DOCK3: variants seen among roughly 807,000 people sequenced by gnomAD.
DOCK3 encodes the protein dedicator of cytokinesis 3.
DOCK3 carries 60 observed loss-of-function variants against 265.6 expected under a neutral mutation model. The observed-to-expected ratio is 0.23, with a 90% CI of 0.18 to 0.28. DOCK3 has a LOEUF of 0.28. DOCK3 is among the 10% of genes least tolerant of loss of function. DOCK3 has a pLI of 1.00. For synonymous variants in DOCK3, 881 were observed against 938.0 expected, an observed-to-expected ratio of 0.94 and a Z score of 1.11; for missense variants, 1,981 against 2,594.3, an observed-to-expected ratio of 0.76 and a Z score of 5.14.
At chr3:50,867,497 G>T (rs2047200487) in intron 3 of DOCK3, among the ~76,000 whole-genome samples, 1 of 152,144 alleles carries the variant, frequency 6.6e-6, no homozygotes, top group East Asian at 1.9e-4. Flanking sequence ...TAGTGTTTCA[G>T]ATCTTAGAGG....
At chr3:50,746,651 C>T (rs6784055) in intron 1 of DOCK3, among the ~76,000 whole-genome samples, 1,646 of 152,218 alleles carry the variant, frequency 0.011, 20 homozygotes, top group Non-Finnish European at 0.017. Context: ...GCTGTACACA[C>T]GGCATAGTGC....
At position 51,173,038 on chromosome 3, in the gene DOCK3, A is replaced by G. The variant is rs191617565; in HGVS notation, c.1037+12336A>G. 7.3e-3 allele frequency among the ~76,000 whole-genome samples: 1,107 copies of G among 152,322 alleles called. 16 individuals carry two copies. Among genetic ancestry groups the G allele is most frequent in the African/African-American group, 0.025 (1,042 of 41,572 alleles). ...TCTTAATATTTTTGTCTCTTAAACT[A>G]TATATTAGTGATATAAGTGATTTAT... On this transcript the variant is annotated intron_variant, in intron 12 of 52. Coordinates refer to ENST00000266037, the MANE Select transcript of DOCK3 (RefSeq NM_004947.5).
At chr3:51,345,072 A>G (rs567036916) in intron 38 of DOCK3, among the ~76,000 whole-genome samples, 2 of 152,326 alleles carry the variant, frequency 1.3e-5, no homozygotes, top group Non-Finnish European at 1.5e-5. Flanking sequence ...GCAGTCTCCC[A>G]TGGATTGGCT....
At chr3:51,216,359 A>T (rs1369701466) in intron 14 of DOCK3, among the ~76,000 whole-genome samples, 1 of 152,204 alleles carries the variant, frequency 6.6e-6, no homozygotes, top group African/African-American at 2.4e-5. Context: ...GGAAATATGT[A>T]ATTTCAAGCA....
chr3:50,843,524 A>G (rs1305777742), intron 3 of DOCK3, among the ~76,000 whole-genome samples: 1 of 152,170 alleles, frequency 6.6e-6, no homozygotes, highest in Non-Finnish European at 1.5e-5. Context: ...TCTCTTTCCT[A>G]CAAAAAACAG....
intron 21 of DOCK3, among the ~76,000 whole-genome samples, chr3:51,242,536 C>G (rs1190101915): frequency 6.6e-6 from 1 of 152,122 alleles, no homozygotes; most frequent in Non-Finnish European, 1.5e-5. Flanking sequence ...CTGGGCAGAG[C>G]TGGGGCCCCT....
intron 3 of DOCK3, among the ~76,000 whole-genome samples, chr3:50,883,167 A>G (rs2048141131): frequency 6.6e-6 from 1 of 152,074 alleles, no homozygotes; most frequent in Non-Finnish European, 1.5e-5. Context: ...ACCTAATACA[A>G]ATGATGAGTT....
At chr3:51,328,135 A>G (rs947157749) in intron 32 of DOCK3, among the ~76,000 whole-genome samples, 3 of 152,196 alleles carry the variant, frequency 2.0e-5, no homozygotes, top group Non-Finnish European at 1.5e-5. Context: ...AATTTCTAAC[A>G]AGATCTCTGG....
chr3:50,831,173 T>C (rs996677431), intron 2 of DOCK3, among the ~76,000 whole-genome samples: 8 of 151,886 alleles, frequency 5.3e-5, no homozygotes, highest in African/African-American at 1.9e-4. Context: ...CTGGCTTCTT[T>C]ACTGCAACCT....
intron 40 of DOCK3, among the ~76,000 whole-genome samples, chr3:51,354,365 C>G (rs931483523): frequency 2.0e-5 from 3 of 152,158 alleles, no homozygotes; most frequent in Non-Finnish European, 2.9e-5. Flanking sequence ...ATGCCTCTCT[C>G]TTTCTTCCTT....
intron 42 of DOCK3, 24 bp from the exon 43 acceptor site, chr3:51,356,383 T>C (rs201122099): frequency 1.2e-6 from 2 of 1,613,402 alleles, no homozygotes; most frequent in Non-Finnish European, 1.7e-6. Flanking sequence ...TAACTGCCCA[T>C]ACCTGCCTGT....
intron 1 of DOCK3, among the ~76,000 whole-genome samples, chr3:50,693,854 C>T (rs1346069082): frequency 6.6e-6 from 1 of 151,832 alleles, no homozygotes; most frequent in Non-Finnish European, 1.5e-5. Context: ...TCATATCATT[C>T]TCATGTTGTT....
At chr3:50,761,670 C>T (rs1181018248) in intron 1 of DOCK3, among the ~76,000 whole-genome samples, 1 of 152,166 alleles carries the variant, frequency 6.6e-6, no homozygotes, top group Non-Finnish European at 1.5e-5. Flanking sequence ...TGGATCTTCA[C>T]CTGATAATTT....
intron 2 of DOCK3, among the ~76,000 whole-genome samples, chr3:50,835,356 T>G (rs947183912): frequency 6.6e-6 from 1 of 152,236 alleles, no homozygotes. Context: ...TTTTTACTTT[T>G]CTGACAAAAT....
intron 5 of DOCK3, among the ~76,000 whole-genome samples, chr3:51,013,106 C>T (rs1252793449): frequency 6.6e-6 from 1 of 152,078 alleles, no homozygotes; most frequent in Admixed American, 6.5e-5. Flanking sequence ...CCTCCTTTAC[C>T]TTGGAGAAGT....
intron 3 of DOCK3, among the ~76,000 whole-genome samples, chr3:50,885,752 A>G (rs948012899): frequency 6.6e-6 from 1 of 152,154 alleles, no homozygotes; most frequent in Non-Finnish European, 1.5e-5. Context: ...TGGGGTCCCT[A>G]AACAGTCAGC....
At chr3:50,795,579 A>G (rs2042727666) in intron 2 of DOCK3, among the ~76,000 whole-genome samples, 1 of 152,034 alleles carries the variant, frequency 6.6e-6, no homozygotes, top group Non-Finnish European at 1.5e-5. Flanking sequence ...ATGGGGTTTC[A>G]CCATGTTGGC....
At chr3:50,906,344 G>C (rs1486451836) in intron 4 of DOCK3, among the ~76,000 whole-genome samples, 1 of 152,042 alleles carries the variant, frequency 6.6e-6, no homozygotes, top group Non-Finnish European at 1.5e-5. Flanking sequence ...AATGCTACCA[G>C]CTCCTCCTTG....
chr3:50,940,068 C>CACACACAA (rs1368162196), intron 5 of DOCK3, among the ~76,000 whole-genome samples: 1 of 151,832 alleles, frequency 6.6e-6, no homozygotes, highest in Admixed American at 6.6e-5. Context: ...CACACACATA[C>CACACACAA]ACACACAAAC....
Sources: allele counts gnomAD v4.1 joint callset (sites outside exome capture counted in the v4.1 genomes callset), GRCh38; gene constraint gnomAD v4.1.1; transcripts MANE v1.5; gene names NCBI Gene and HGNC (gene_info 2026-07-23, HGNC 2026-07-21).